The following EIF2AK4 variants were observed in gnomAD, a reference collection of about 807,000 sequenced individuals.
EIF2AK4 encodes the protein eukaryotic translation initiation factor 2 alpha kinase 4, also known as eIF-2-alpha kinase GCN2.
In EIF2AK4, 139 loss-of-function variants were observed where a neutral mutation model predicts 211.1. The ratio of observed to expected loss-of-function variants is 0.66; its 90% CI spans 0.57 to 0.76. The LOEUF (loss-of-function observed/expected upper bound fraction) is 0.76, where lower values mean the gene tolerates loss of function less well. Ranked by LOEUF, EIF2AK4 falls within the 30% of genes least tolerant of loss-of-function variation. The pLI, the probability that EIF2AK4 is intolerant of heterozygous loss-of-function variation, is 0.00. For synonymous variants in EIF2AK4, 710 were observed against 751.3 expected (o/e 0.94, Z 0.90); for missense variants, 1,664 against 2,043.8 (o/e 0.81, Z 3.58).
Position 39,939,488 on chromosome 15 carries a change from T to G in EIF2AK4, c.145-17T>G, listed in dbSNP as rs1274289067. On this transcript the variant is annotated splice_polypyrimidine_tract_variant and intron_variant, in intron 1 of 38. Coordinates refer to ENST00000263791, the MANE Select transcript of EIF2AK4 (RefSeq NM_001013703.4). ...CTACAGCTTTGAAAAAAATTTTTTT[T>G]GTTTTTCCTCTTTTAGGTCAAAGAG... The G allele has an allele frequency of 1.3e-6, 2 of 1,572,438 alleles. No individual in the cohort carries two copies. The highest frequency in any genetic ancestry group is 1.7e-6 in the Non-Finnish European group (2 of 1,159,110).
chr15:40,002,048 TATATG>T (rs1299561025), intron 21 of EIF2AK4, among the ~76,000 whole-genome samples: 1 of 152,234 alleles, frequency 6.6e-6, no homozygotes. Context: ...TTGCTTAATA[TATATG>T]ATATAATTTA....
At position 39,975,666 on chromosome 15, in the gene EIF2AK4, T is replaced by G. The variant is rs1376415216; in HGVS notation, c.1819-748T>G. ...GAGGACTTGCCTTTGCAACGTTTTC[T>G]TGCTTTCTTATTATTTTACTGTGTT... On this transcript the variant is annotated intron_variant, in intron 11 of 38. Coordinates refer to ENST00000263791, the MANE Select transcript of EIF2AK4 (RefSeq NM_001013703.4). Among the ~76,000 whole-genome samples, 3 of 152,272 alleles carry G rather than the reference T, an allele frequency of 2.0e-5. No homozygotes were observed. In the South Asian group the frequency reaches 6.2e-4, roughly 32 times the overall value.
Position 40,030,344 on chromosome 15 carries a change from C to A in EIF2AK4, c.4562-15C>A, listed in dbSNP as rs1042245218. On this transcript the variant is annotated splice_polypyrimidine_tract_variant and intron_variant, in intron 34 of 38. Transcript: ENST00000263791. ...CCAGATAAGGCCATAAATTCTGAAACTCTCTTGGTCTCAGGTTTGTTTGAA... is the reference window on the plus strand; with the variant it reads ...CCAGATAAGGCCATAAATTCTGAAAATCTCTTGGTCTCAGGTTTGTTTGAA... The A allele has an allele frequency of 6.2e-7, 1 of 1,611,746 alleles. No individual in the cohort carries two copies. Among genetic ancestry groups the A allele is most frequent in the Non-Finnish European group, 8.5e-7 (1 of 1,178,688 alleles).
At chr15:40,030,310 A>G (rs776993888) in intron 34 of EIF2AK4, 49 bp from the exon 35 acceptor site, 1 of 1,567,564 alleles carries the variant, frequency 6.4e-7, no homozygotes. Context: ...TATGTTGTAG[A>G]AAGTGGGACC....
intron 18 of EIF2AK4, among the ~76,000 whole-genome samples, 190 bp from the exon 19 acceptor site, chr15:39,996,774 C>G (rs1339941222): frequency 1.3e-5 from 2 of 152,192 alleles, no homozygotes; most frequent in African/African-American, 2.4e-5. Flanking sequence ...TTATCATCAT[C>G]TGAATACAAA....
intron 35 of EIF2AK4, among the ~76,000 whole-genome samples, chr15:40,031,922 C>A (rs999038194): frequency 2.0e-5 from 3 of 152,198 alleles, no homozygotes; most frequent in Non-Finnish European, 4.4e-5. Context: ...GACGGGGTTT[C>A]ACCATGTTGG....
chr15:40,033,418 C>T (rs2035569470), intron 37 of EIF2AK4, among the ~76,000 whole-genome samples: 1 of 152,078 alleles, frequency 6.6e-6, no homozygotes, highest in East Asian at 1.9e-4. Context: ...AGGTACATCC[C>T]TTTATCATCA....
chr15:40,003,397 C>A lies in EIF2AK4; in HGVS notation c.3357+83C>A, dbSNP rs2035119220. ...CATCTCTGTTAAAGGATTTTTCCCC[C>A]AGGCTTATATTATAAATGTCACCTT... On this transcript the variant is annotated intron_variant, in intron 23 of 38. Transcript: ENST00000263791. The A allele has an allele frequency of 7.0e-6, 11 of 1,561,046 alleles. No individual in the cohort carries two copies. In the South Asian group the frequency reaches 1.2e-4, roughly 17 times the overall value.
rs540772097 is a variant in EIF2AK4 at position 39,949,145 on chromosome 15, G to A, written c.390G>A (p.Val130=). The change falls in exon 4 of 39, where the codon GTG becomes GTA. Residue 130 remains valine (V), a synonymous_variant. Transcript: ENST00000263791. ...TGATCTTTGAACTGGCTTACCACGT[G>A]CAGTCATTTCTCAGCGAGCATAACA... is the stretch of plus-strand genomic sequence containing the variant. ...EVMIFELAYH[V]QSFLSEHNKP... 9.8e-5 allele frequency: 158 copies of A among 1,613,990 alleles called. 3 individuals are homozygous for A. The South Asian group carries it at 1.6e-3, about 17-fold the overall frequency.
At chr15:39,980,058 G>A (rs181551010) in intron 13 of EIF2AK4, among the ~76,000 whole-genome samples, 2 of 152,256 alleles carry the variant, frequency 1.3e-5, no homozygotes, top group Non-Finnish European at 1.5e-5. Flanking sequence ...TGATTTGTAT[G>A]CACTATAAAA....
At chr15:39,990,407 A>T in intron 16 of EIF2AK4, 30 bp downstream of exon 16, 1 of 1,569,624 alleles carries the variant, frequency 6.4e-7, no homozygotes, top group South Asian at 1.1e-5. Flanking sequence ...GACTGTACCT[A>T]AAAACAGACT....
chr15:39,992,578 G>A, intron 17 of EIF2AK4, 191 bp from the exon 18 acceptor site: 1 of 604,948 alleles, frequency 1.7e-6, no homozygotes, highest in East Asian at 2.8e-5. Context: ...ACATCCTTGT[G>A]TAGAACCGAA....
intron 37 of EIF2AK4, among the ~76,000 whole-genome samples, chr15:40,034,113 A>G (rs1226731925): frequency 3.9e-5 from 6 of 152,102 alleles, no homozygotes; most frequent in Non-Finnish European, 5.9e-5. Flanking sequence ...AGCATTGTTA[A>G]TCAGGCTCTA....
At chr15:39,956,205 T>G (rs947847661) in intron 6 of EIF2AK4, among the ~76,000 whole-genome samples, 1 of 151,846 alleles carries the variant, frequency 6.6e-6, no homozygotes, top group Non-Finnish European at 1.5e-5. Flanking sequence ...GGGGTTTCAC[T>G]GTGTTGGCCA....
chr15:40,016,963 A>G, intron 28 of EIF2AK4, 145 bp from the exon 29 acceptor site: 1 of 1,110,002 alleles, frequency 9.0e-7, no homozygotes, highest in Non-Finnish European at 1.3e-6. Context: ...GGTTAAACAG[A>G]CTTTGAGCTA....
chr15:40,006,354 C>G (rs2035162522), intron 23 of EIF2AK4, among the ~76,000 whole-genome samples: 1 of 152,074 alleles, frequency 6.6e-6, no homozygotes, highest in African/African-American at 2.4e-5. Flanking sequence ...CATAGCTATA[C>G]TTAAAGCTGG....
chr15:39,985,345 A>G (rs1414282188), intron 13 of EIF2AK4, among the ~76,000 whole-genome samples: 1 of 152,148 alleles, frequency 6.6e-6, no homozygotes, highest in Non-Finnish European at 1.5e-5. Flanking sequence ...AGGTTTTGGT[A>G]TCAGGATGAT....
chr15:40,007,165 G>A lies in EIF2AK4; in HGVS notation c.3407+100G>A, dbSNP rs549580176. On this transcript the variant is annotated intron_variant, in intron 24 of 38. Coordinates refer to ENST00000263791, the MANE Select transcript of EIF2AK4 (RefSeq NM_001013703.4). Reference sequence around the variant, plus strand: ...TTTTATTTCCTGTGATCCTTACACAGTTAAGAATTCTGGGTTCAGAATATT... The same window carrying A: ...TTTTATTTCCTGTGATCCTTACACAATTAAGAATTCTGGGTTCAGAATATT... 76 of 1,102,366 alleles carry A rather than the reference G, an allele frequency of 6.9e-5. No individual in the cohort carries two copies. In the African/African-American group the frequency reaches 1.2e-3, roughly 17 times the overall value. 68.3% of individuals were successfully genotyped at this position (1,102,366 alleles called of 1,614,324 possible). A position where few individuals can be genotyped will look rare whatever the true frequency, so the allele number is the denominator to read the frequency against.
At chr15:39,988,520 A>G (rs1286103104) in intron 15 of EIF2AK4, among the ~76,000 whole-genome samples, 2 of 152,248 alleles carry the variant, frequency 1.3e-5, no homozygotes, top group African/African-American at 4.8e-5. Flanking sequence ...GAACATAGCT[A>G]TGCTCATTGG....
Sources: allele counts gnomAD v4.1 joint callset (sites outside exome capture counted in the v4.1 genomes callset), GRCh38; gene constraint gnomAD v4.1.1; transcripts MANE v1.5; gene names NCBI Gene and HGNC (gene_info 2026-07-23, HGNC 2026-07-21).